Variants in DDX5 observed in about 807,000 individuals in gnomAD.
DDX5 encodes DEAD-box helicase 5, also known as probable ATP-dependent RNA helicase DDX5.
DDX5 carries 6 observed loss-of-function variants against 68.6 expected under a neutral mutation model. The ratio of observed to expected loss-of-function variants is 0.09; its 90% CI spans 0.05 to 0.17. The LOEUF (loss-of-function observed/expected upper bound fraction) is 0.17. Ranked by LOEUF, DDX5 falls within the 10% of genes least tolerant of loss-of-function variation. DDX5 has a pLI of 1.00. For missense variants in DDX5, 499 were observed against 756.1 expected (o/e 0.66, Z 3.99); for synonymous variants, 350 against 247.0 (o/e 1.42, Z -3.91).
In DDX5 at chr17:64,503,917, G is replaced by A. The variant is rs140245781; in HGVS notation, c.442-49C>T. The A allele has an allele frequency of 1.3e-3, 2,082 of 1,612,688 alleles. 23 individuals carry two copies. Among genetic ancestry groups the A allele is most frequent in the Non-Finnish European group, 3.1e-4 (368 of 1,178,910 alleles). ...AAACAGAAATCACATTAAAATACTC[G>A]TTTTTAAATTACCATTACATTTTCT... On this transcript the variant is annotated intron_variant, in intron 4 of 12. Coordinates refer to ENST00000225792, the MANE Select transcript of DDX5 (RefSeq NM_004396.5).
At position 64,499,938 on chromosome 17, in the gene DDX5, T is replaced by C. The variant is rs1343465321; in HGVS notation, c.1830A>G (p.Thr610=). 1.2e-6 allele frequency: 2 copies of C among 1,603,580 alleles called. No individual in the cohort carries two copies. Among genetic ancestry groups the C allele is most frequent in the African/African-American group, 1.3e-5 (1 of 74,804 alleles). ...AAPMIGYPMP[T]GYSQ ...TTCTAAAGTCTTATTGGGAATATCCTGTTGGCATTGGATAACCAATCATAG... is the reference window on the plus strand; with the variant it reads ...TTCTAAAGTCTTATTGGGAATATCCCGTTGGCATTGGATAACCAATCATAG... Residue 610 remains threonine, a synonymous_variant, in exon 13 of 13, where the codon ACA becomes ACG. Coordinates refer to ENST00000225792, the MANE Select transcript of DDX5 (RefSeq NM_004396.5).
At chr17:64,505,213 A>G (rs924361493) in intron 1 of DDX5, 1 of 257,866 alleles carries the variant, frequency 3.9e-6, no homozygotes, top group Non-Finnish European at 7.4e-6. Flanking sequence ...ACAAGGCTAC[A>G]TGAACCGAAG....
intron 8 of DDX5, 188 bp downstream of exon 8, chr17:64,502,738 C>T (rs1490016038): frequency 2.7e-6 from 2 of 736,076 alleles, no homozygotes; most frequent in East Asian, 2.7e-5. Context: ...ACATGAATTC[C>T]TTCTATAGGA....
At chr17:64,502,834 G>A in intron 8 of DDX5, 92 bp downstream of exon 8, 1 of 1,303,340 alleles carries the variant, frequency 7.7e-7, no homozygotes. Flanking sequence ...CACACCAACT[G>A]AAATAACCTA....
chr17:64,503,665 C>T, intron 5 of DDX5, 94 bp from the exon 6 acceptor site: 1 of 1,560,396 alleles, frequency 6.4e-7, no homozygotes, highest in East Asian at 2.2e-5. Flanking sequence ...CATGTGTTGT[C>T]CAATACCCAA....
Position 64,500,265 on chromosome 17 carries a change from T to C in DDX5, c.1503A>G (p.Lys501=). The change falls in exon 13 of 13, where the codon AAA becomes AAG. Residue 501 remains lysine (K), a synonymous_variant. Transcript: ENST00000225792. ...DDRRDRYSAG[K]RGGFNTFRDR... Reference sequence around the variant, plus strand: ...CTCTAAAGGTATTAAATCCACCCCTTTTGCCCGCAGAGTATCTGTCCCGAC... The same window carrying C: ...CTCTAAAGGTATTAAATCCACCCCTCTTGCCCGCAGAGTATCTGTCCCGAC... The C allele has an allele frequency of 6.2e-7, 1 of 1,614,146 alleles. No homozygotes were observed. The highest frequency in any genetic ancestry group is 1.1e-5 in the South Asian group (1 of 91,084).
chr17:64,502,728 A>T (rs1261372149), intron 8 of DDX5, 179 bp from the exon 9 acceptor site: 4 of 714,392 alleles, frequency 5.6e-6, no homozygotes, highest in Non-Finnish European at 6.8e-6. Flanking sequence ...ACCAGGGGAC[A>T]CATGAATTCC....
In DDX5 at chr17:64,500,344, G is replaced by A. The variant is rs200178078; in HGVS notation, c.1442-18C>T. Reference sequence around the variant, plus strand: ...GGAACGACCTGTCAAGAAAACAATTGCAAATTGATCAATTATGTCTATGAC... The same window carrying A: ...GGAACGACCTGTCAAGAAAACAATTACAAATTGATCAATTATGTCTATGAC... On this transcript the variant is annotated intron_variant, in intron 12 of 12. Coordinates refer to ENST00000225792, the MANE Select transcript of DDX5 (RefSeq NM_004396.5). 28 of 1,589,890 alleles carry A rather than the reference G, an allele frequency of 1.8e-5. No homozygotes were observed. Among genetic ancestry groups the A allele is most frequent in the Admixed American group, 3.5e-5 (2 of 56,526 alleles).
In DDX5 at chr17:64,502,513, C is replaced by T. The variant is rs2038321613; in HGVS notation, c.1020G>A (p.Lys340=). Residue 340 remains lysine (K), a synonymous_variant, in exon 9 of 13, where the codon AAG becomes AAA. Coordinates refer to ENST00000225792, the MANE Select transcript of DDX5 (RefSeq NM_004396.5). ...IRLMEEIMSE[K]ENKTIVFVET... is the part of the protein sequence containing the mutation. ...CCACAAAAACAATGGTTTTATTCTC[C>T]TTCTCACTCATGATCTCTTCCATTA... is the stretch of plus-strand genomic sequence containing the variant. 4 of 1,613,552 alleles carry T rather than the reference C, an allele frequency of 2.5e-6. No homozygotes were observed. Among genetic ancestry groups the T allele is most frequent in the Non-Finnish European group, 3.4e-6 (4 of 1,179,732 alleles).
rs782528351 is a variant in DDX5, at chr17:64,504,803, G to A, written c.84C>T (p.Pro28=). The A allele has an allele frequency of 6.2e-6, 10 of 1,613,360 alleles. No homozygotes were observed. The highest frequency in any genetic ancestry group is 1.1e-5 in the South Asian group (1 of 90,958). ...GGTTTCCAAACTTCTTTCCAGATAA[G>A]GGCCCTGCCCTACTTCCTCCAAATC... ...APRFGGSRAG[P]LSGKKFGNPG... is the part of the protein sequence containing the mutation. Residue 28 remains proline (P), a synonymous_variant, in exon 2 of 13, where the codon CCC becomes CCT. Transcript: ENST00000225792.
rs1458600508 is a variant in DDX5, at chr17:64,506,245, C to A, written c.-126G>T. 3 of 1,548,798 alleles carry A rather than the reference C, an allele frequency of 1.9e-6. No individual in the cohort carries two copies. Among genetic ancestry groups the A allele is most frequent in the Non-Finnish European group, 1.7e-6 (2 of 1,147,348 alleles). On this transcript the variant is annotated 5_prime_UTR_variant, in exon 1 of 13. Coordinates refer to ENST00000225792, the MANE Select transcript of DDX5 (RefSeq NM_004396.5). ...CAGCGGAGGAAGGACACCGATGACA[C>A]CAGCCGAAGCTGCACTACTAGAGAC...
chr17:64,505,964 A>G (rs1471929393), intron 1 of DDX5, 112 bp downstream of exon 1: 2 of 1,539,678 alleles, frequency 1.3e-6, no homozygotes, highest in Non-Finnish European at 1.7e-6. Context: ...GGAAGTCCCA[A>G]GATAGCCCGG....
rs372916219 is a variant in DDX5 at position 64,499,378 on chromosome 17, T to C, written c.*545A>G. Among the ~76,000 whole-genome samples, 6 of 152,140 alleles carry C rather than the reference T, an allele frequency of 3.9e-5. No homozygotes were observed. Among genetic ancestry groups the C allele is most frequent in the Non-Finnish European group, 8.8e-5 (6 of 68,020 alleles). Reference sequence around the variant, plus strand: ...CCTGATGCTGGAAGCTGACAAAGCTTTTATGCAATTTAGCCTGTAACTAAA... The same window carrying C: ...CCTGATGCTGGAAGCTGACAAAGCTCTTATGCAATTTAGCCTGTAACTAAA... On this transcript the variant is annotated 3_prime_UTR_variant, in exon 13 of 13. Transcript: ENST00000225792.
Position 64,503,931 on chromosome 17 carries a change from A to G in DDX5, c.441+52T>C, listed in dbSNP as rs189767710. ...TTAAAATACTCGTTTTTAAATTACCATTACATTTTCTTGCATATATCAGAT... is the reference window on the plus strand; with the variant it reads ...TTAAAATACTCGTTTTTAAATTACCGTTACATTTTCTTGCATATATCAGAT... On this transcript the variant is annotated intron_variant, in intron 4 of 12. Coordinates refer to ENST00000225792, the MANE Select transcript of DDX5 (RefSeq NM_004396.5). 981 of 1,613,722 alleles carry G rather than the reference A, an allele frequency of 6.1e-4. 4 individuals carry two copies. The highest frequency in any genetic ancestry group is 9.7e-4 in the South Asian group (88 of 91,016).
upstream of DDX5, chr17:64,506,395 G>T (rs961032836): frequency 8.6e-6 from 12 of 1,400,884 alleles, no homozygotes; most frequent in South Asian, 1.8e-4. Context: ...CTCGCGCATA[G>T]GCCGCAACGC....
At position 64,501,995 on chromosome 17, in the gene DDX5, C is replaced by A. The variant is rs782056739; in HGVS notation, c.1216+15G>T. The A allele has an allele frequency of 3.9e-5, 63 of 1,611,990 alleles. No homozygotes were observed. Among genetic ancestry groups the A allele is most frequent in the Non-Finnish European group, 5.0e-5 (59 of 1,179,044 alleles). ...CTTCTGGGAAACCAAGCCATGAATG[C>A]GAGTTTGTACTAACCTAGCCCTCTG... On this transcript the variant is annotated intron_variant, in intron 11 of 12. Coordinates refer to ENST00000225792, the MANE Select transcript of DDX5 (RefSeq NM_004396.5).
Position 64,499,815 on chromosome 17 carries a change from G to T in DDX5, c.*108C>A. ...AGTGCACCATAATTACTGCTGCACTGCAGTCATTTCTGCAATTCCCATGTT... is the reference window on the plus strand; with the variant it reads ...AGTGCACCATAATTACTGCTGCACTTCAGTCATTTCTGCAATTCCCATGTT... On this transcript the variant is annotated 3_prime_UTR_variant, in exon 13 of 13. Coordinates refer to ENST00000225792, the MANE Select transcript of DDX5 (RefSeq NM_004396.5). 3 of 1,041,550 alleles carry T rather than the reference G, an allele frequency of 2.9e-6. No homozygotes were observed. The highest frequency in any genetic ancestry group is 2.7e-6 in the Non-Finnish European group (2 of 744,652). The allele number at this position is 1,041,550 out of a possible 1,614,324, so 64.5% of individuals were successfully genotyped here. A position where few individuals can be genotyped will look rare whatever the true frequency, so the allele number is the denominator to read the frequency against.
Position 64,500,677 on chromosome 17 carries a change from G to C in DDX5, c.1313C>G (p.Thr438Arg). The change falls in exon 12 of 13, where the codon ACA becomes AGA. Residue 438 changes from threonine to arginine, a missense_variant. This residue lies in a region of DDX5 where 26 missense variants were observed against 128.2 expected (regional missense o/e 0.20). Coordinates refer to ENST00000225792, the MANE Select transcript of DDX5 (RefSeq NM_004396.5). Reference protein sequence around the residue: ...RIGRTARSTKTGTAYTFFTPN... With the variant: ...RIGRTARSTKRGTAYTFFTPN... Reference sequence around the variant, plus strand: ...TGTAAAGAAAGTGTATGCTGTGCCTGTTTTGGTACTGCGAGCAGTTCTTCC... The same window carrying C: ...TGTAAAGAAAGTGTATGCTGTGCCTCTTTTGGTACTGCGAGCAGTTCTTCC... 3 of 1,614,164 alleles carry C rather than the reference G, an allele frequency of 1.9e-6. No homozygotes were observed. The highest frequency in any genetic ancestry group is 2.5e-6 in the Non-Finnish European group (3 of 1,179,990).
At chr17:64,505,582 A>AGGC (rs1555672125) in intron 1 of DDX5, 3 of 744,596 alleles carry the variant, frequency 4.0e-6, no homozygotes, top group Admixed American at 2.3e-5. Context: ...GGGGTAACAA[A>AGGC]GGCGCCGCCG....
Sources: gnomAD v4.1 joint callset for allele counts (sites outside exome capture counted in the v4.1 genomes callset) on GRCh38, gnomAD v4.1.1 for gene constraint, gnomAD v4.1.1 regional missense constraint, MANE v1.5 for transcripts, NCBI Gene and HGNC (gene_info 2026-07-23, HGNC 2026-07-21) for gene names.